TTC28: variants seen among roughly 807,000 people sequenced by gnomAD.
TTC28 encodes the protein tetratricopeptide repeat domain 28.
TTC28 carries 61 observed loss-of-function variants against 198.0 expected under a neutral mutation model. That is an observed-to-expected ratio of 0.31 (90% CI 0.25 to 0.38). The LOEUF (loss-of-function observed/expected upper bound fraction) is 0.38, where lower values mean the gene tolerates loss of function less well. TTC28 is among the 10% of genes least tolerant of loss of function. TTC28 has a pLI of 1.00. For missense variants in TTC28, 2,678 were observed against 3,164.0 expected (o/e 0.85, Z 3.69); for synonymous variants, 1,171 against 1,297.8 (o/e 0.90, Z 2.10).
intron 2 of TTC28, among the ~76,000 whole-genome samples, chr22:28,535,159 G>A (rs1302071071): frequency 6.6e-6 from 1 of 152,092 alleles, no homozygotes; most frequent in Non-Finnish European, 1.5e-5. Flanking sequence ...AAAGGAATTT[G>A]GGAATTATTA....
At chr22:28,627,382 T>C (rs906939494) in intron 2 of TTC28, among the ~76,000 whole-genome samples, 1 of 152,152 alleles carries the variant, frequency 6.6e-6, no homozygotes, top group Non-Finnish European at 1.5e-5. Context: ...AGGTTTATGC[T>C]TTGAAAATAG....
chr22:28,199,525 CTATACA>C (rs1925718462), intron 5 of TTC28, among the ~76,000 whole-genome samples: 1 of 48,578 alleles, frequency 2.1e-5, no homozygotes, highest in South Asian at 1.1e-3. Context: ...AAAGAAATAC[CTATACA>C]TATATATATA....
At chr22:28,056,355 G>T (rs1295499902) in intron 12 of TTC28, 1 of 152,326 alleles carries the variant, frequency 6.6e-6, no homozygotes, top group African/African-American at 2.4e-5. Context: ...GCAGACACCT[G>T]ATCAGCACAG....
At chr22:28,447,731 G>T (rs2047723508) in intron 2 of TTC28, among the ~76,000 whole-genome samples, 1 of 152,126 alleles carries the variant, frequency 6.6e-6, no homozygotes, top group Admixed American at 6.5e-5. Context: ...GTATCAAGAA[G>T]GGAGAAAATA....
chr22:27,995,522 T>A (rs1442864159), intron 17 of TTC28, among the ~76,000 whole-genome samples: 4 of 152,124 alleles, frequency 2.6e-5, no homozygotes, highest in Admixed American at 2.6e-4. Flanking sequence ...CTGTGGGCCC[T>A]CCATTTGTGC....
chr22:28,552,304 G>A (rs2049688388), intron 2 of TTC28, among the ~76,000 whole-genome samples: 1 of 152,038 alleles, frequency 6.6e-6, no homozygotes, highest in African/African-American at 2.4e-5. Flanking sequence ...TGACCATCTT[G>A]CCAAGAGCAA....
chr22:28,530,457 G>A (rs2049108622), intron 2 of TTC28, among the ~76,000 whole-genome samples: 1 of 152,144 alleles, frequency 6.6e-6, no homozygotes, highest in South Asian at 2.1e-4. Flanking sequence ...AAGTCATGGG[G>A]AGAATGGAAC....
intron 12 of TTC28, among the ~76,000 whole-genome samples, chr22:28,042,408 A>T (rs1389278169): frequency 6.6e-6 from 1 of 152,236 alleles, no homozygotes; most frequent in South Asian, 2.1e-4. Context: ...ACATAAAAAA[A>T]GGATGAGTTC....
chr22:28,576,727 C>G (rs2050157056), intron 2 of TTC28, among the ~76,000 whole-genome samples: 1 of 151,970 alleles, frequency 6.6e-6, no homozygotes, highest in Non-Finnish European at 1.5e-5. Flanking sequence ...CTATATGTGT[C>G]TAGGAATTTA....
At chr22:28,104,293 T>C (rs5762478) in intron 8 of TTC28, among the ~76,000 whole-genome samples, 9,197 of 152,240 alleles carry the variant, frequency 0.06, 352 homozygotes, top group South Asian at 0.15. Context: ...ACTGACTACA[T>C]GATTAGGATT....
At position 28,409,767 on chromosome 22, in the gene TTC28, C is replaced by T. The variant is rs555364924; in HGVS notation, c.382-103124G>A. ...CGCCTCCCGGGCTCAAGCAATTCTC[C>T]TGCCCCAGCCTCCCGAGTAGCTGGG... On this transcript the variant is annotated intron_variant, in intron 2 of 22. Coordinates refer to ENST00000397906, the MANE Select transcript of TTC28 (RefSeq NM_001145418.2). Among the ~76,000 whole-genome samples the T allele has an allele frequency of 8.6e-5, 13 of 151,652 alleles. No homozygotes were observed. In the South Asian group the frequency reaches 2.3e-3, roughly 27 times the overall value.
intron 5 of TTC28, among the ~76,000 whole-genome samples, chr22:28,209,085 A>G (rs1326478405): frequency 6.6e-6 from 1 of 152,182 alleles, no homozygotes; most frequent in Non-Finnish European, 1.5e-5. Context: ...TCAAATTTTC[A>G]TACTCTATAG....
At chr22:28,126,935 T>C (rs1942929786) in intron 6 of TTC28, among the ~76,000 whole-genome samples, 1 of 152,250 alleles carries the variant, frequency 6.6e-6, no homozygotes, top group Admixed American at 6.5e-5. Context: ...GTGATTTAGC[T>C]TGCTCATGCT....
At chr22:28,158,411 C>T (rs1943804003) in intron 6 of TTC28, among the ~76,000 whole-genome samples, 2 of 152,056 alleles carry the variant, frequency 1.3e-5, no homozygotes, top group Non-Finnish European at 2.9e-5. Context: ...AAAAACAATC[C>T]TAAAATTTAC....
chr22:27,988,302 T>TTTTTTTTA (rs1937283185), intron 21 of TTC28, among the ~76,000 whole-genome samples: 1 of 149,822 alleles, frequency 6.7e-6, no homozygotes, highest in Admixed American at 6.6e-5. Context: ...TTTTTTTTTT[T>TTTTTTTTA]GAGACAGAGC....
intron 2 of TTC28, among the ~76,000 whole-genome samples, chr22:28,418,468 C>A (rs2047198621): frequency 1.3e-5 from 2 of 152,174 alleles, no homozygotes; most frequent in African/African-American, 4.8e-5. Flanking sequence ...AAATTCTCAG[C>A]AATATGACTT....
At chr22:27,984,583 CT>C (rs981435381) in intron 22 of TTC28, among the ~76,000 whole-genome samples, 2 of 152,166 alleles carry the variant, frequency 1.3e-5, no homozygotes, top group African/African-American at 4.8e-5. Flanking sequence ...AACCTCTCCC[CT>C]GAACTCCAAA....
At chr22:28,620,116 T>C (rs1180506537) in intron 2 of TTC28, among the ~76,000 whole-genome samples, 2 of 148,296 alleles carry the variant, frequency 1.3e-5, no homozygotes, top group Admixed American at 6.7e-5. Flanking sequence ...CTCTGGGAGG[T>C]CGAGGCAGGT....
intron 2 of TTC28, among the ~76,000 whole-genome samples, chr22:28,417,609 A>G (rs1335690649): frequency 6.6e-6 from 1 of 152,218 alleles, no homozygotes; most frequent in African/African-American, 2.4e-5. Context: ...CTACCTACCA[A>G]ACACTGTGGT....
Sources: gnomAD v4.1 joint callset for allele counts (sites outside exome capture counted in the v4.1 genomes callset) on GRCh38, gnomAD v4.1.1 for gene constraint, MANE v1.5 for transcripts, NCBI Gene and HGNC (gene_info 2026-07-23, HGNC 2026-07-21) for gene names.